The following LINGO2 variants were observed in gnomAD, a reference collection of about 807,000 sequenced individuals.
LINGO2 encodes leucine-rich repeat and immunoglobulin-like domain-containing nogo receptor-interacting protein 2.
A neutral mutation model predicts 30.6 loss-of-function variants in LINGO2; 14 were observed. That is an observed-to-expected ratio of 0.46 (90% CI 0.30 to 0.72). The LOEUF (loss-of-function observed/expected upper bound fraction) is 0.72. LINGO2 is among the 30% of genes least tolerant of loss of function. LINGO2 has a pLI of 0.07. For missense variants in LINGO2, 729 were observed against 751.7 expected (o/e 0.97, Z 0.35); for synonymous variants, 317 against 288.5 (o/e 1.10, Z -1.00).
At chr9:28,014,115 T>C (rs1288850217) in intron 4 of LINGO2, among the ~76,000 whole-genome samples, 6 of 152,118 alleles carry the variant, frequency 3.9e-5, no homozygotes, top group Non-Finnish European at 8.8e-5. Flanking sequence ...CACTCAGAAA[T>C]TATGGCAAGT....
intron 2 of LINGO2, among the ~76,000 whole-genome samples, chr9:28,468,538 A>G (rs1189877106): frequency 2.0e-5 from 3 of 152,212 alleles, no homozygotes; most frequent in Non-Finnish European, 4.4e-5. Context: ...CTAAGGCCCC[A>G]AGAAGAAGCT....
At chr9:28,227,921 T>C (rs1821226665) in intron 4 of LINGO2, among the ~76,000 whole-genome samples, 1 of 152,106 alleles carries the variant, frequency 6.6e-6, no homozygotes, top group African/African-American at 2.4e-5. Flanking sequence ...CACAACACTT[T>C]GATGAATAAT....
chr9:29,071,012 T>C, the LINGO2 span, among the ~76,000 whole-genome samples: 1 of 150,744 alleles, frequency 6.6e-6, no homozygotes, highest in African/African-American at 2.4e-5. Context: ...CATTAGAAAG[T>C]AAACTATTAG....
the LINGO2 span, among the ~76,000 whole-genome samples, chr9:28,877,541 T>A: frequency 6.6e-6 from 1 of 152,010 alleles, no homozygotes; most frequent in African/African-American, 2.4e-5. Flanking sequence ...TTCTCAGGTT[T>A]GTCAAAGATC....
chr9:28,590,061 T>C (rs1824794383), intron 1 of LINGO2, among the ~76,000 whole-genome samples: 1 of 152,086 alleles, frequency 6.6e-6, no homozygotes, highest in African/African-American at 2.4e-5. Context: ...GGGAAAGGAA[T>C]CCCTATTTAA....
At chr9:28,284,060 T>A (rs928822132) in intron 4 of LINGO2, among the ~76,000 whole-genome samples, 5 of 152,150 alleles carry the variant, frequency 3.3e-5, no homozygotes, top group Non-Finnish European at 7.4e-5. Flanking sequence ...CGTTAGCCTC[T>A]GGCATGACTC....
the LINGO2 span, among the ~76,000 whole-genome samples, chr9:28,784,681 C>T: frequency 3.3e-5 from 5 of 152,180 alleles, no homozygotes; most frequent in South Asian, 6.2e-4. Context: ...AGGTCGGGCG[C>T]GGTGGCTCAC....
chr9:28,716,634 T>G, the LINGO2 span, among the ~76,000 whole-genome samples: 1 of 152,120 alleles, frequency 6.6e-6, no homozygotes, highest in Non-Finnish European at 1.5e-5. Flanking sequence ...TTCTGTTCTT[T>G]GAGGCCAGAA....
the LINGO2 span, among the ~76,000 whole-genome samples, chr9:29,137,153 G>A: frequency 6.6e-6 from 1 of 152,086 alleles, no homozygotes; most frequent in African/African-American, 2.4e-5. Context: ...TTCACTTGAT[G>A]TTTTCAGAAG....
At chr9:28,811,580 C>T in the LINGO2 span, among the ~76,000 whole-genome samples, 3 of 152,214 alleles carry the variant, frequency 2.0e-5, no homozygotes, top group South Asian at 6.2e-4. Context: ...CACTCACTTC[C>T]TTTTAGCAAT....
chr9:28,224,332 G>A (rs770808943), intron 4 of LINGO2, among the ~76,000 whole-genome samples: 10 of 152,242 alleles, frequency 6.6e-5, no homozygotes, highest in South Asian at 6.2e-4. Flanking sequence ...CCAAAGTGCC[G>A]GGATTACAGG....
chr9:28,930,233 C>T, the LINGO2 span, among the ~76,000 whole-genome samples: 1 of 152,190 alleles, frequency 6.6e-6, no homozygotes, highest in Non-Finnish European at 1.5e-5. This position sits in a 1 kb window ranked among gnomAD's most constrained non-coding sequence, Gnocchi z 4.2. Flanking sequence ...GCCTGCCACA[C>T]TCTTTCTTAT....
chr9:28,699,895 C>T, the LINGO2 span, among the ~76,000 whole-genome samples: 131 of 152,016 alleles, frequency 8.6e-4, 1 homozygote, highest in Non-Finnish European at 1.3e-3. Flanking sequence ...TGAACTCAGA[C>T]GGGTTATCTG....
At chr9:28,704,879 C>T in the LINGO2 span, among the ~76,000 whole-genome samples, 1 of 151,890 alleles carries the variant, frequency 6.6e-6, no homozygotes, top group African/African-American at 2.4e-5. Flanking sequence ...TCTAATAATT[C>T]CAAATTCGTG....
At chr9:28,002,826 G>C (rs1197919) in intron 5 of LINGO2, among the ~76,000 whole-genome samples, 81,516 of 151,846 alleles carry the variant, frequency 0.54, 22,251 homozygotes, top group East Asian at 0.84. Context: ...GGTTTCCTTC[G>C]AAACACCATA....
chr9:27,957,855 T>C (rs1201583629), intron 5 of LINGO2, among the ~76,000 whole-genome samples: 1 of 152,200 alleles, frequency 6.6e-6, no homozygotes, highest in Non-Finnish European at 1.5e-5. Flanking sequence ...TACGAGCTTC[T>C]TATCTTTAGG....
intron 3 of LINGO2, among the ~76,000 whole-genome samples, chr9:28,311,579 G>A (rs928185387): frequency 3.9e-5 from 6 of 152,096 alleles, no homozygotes; most frequent in Non-Finnish European, 7.4e-5. Flanking sequence ...AGAATTCAGC[G>A]ATATTTCTCC....
At chr9:29,070,020 C>T in the LINGO2 span, among the ~76,000 whole-genome samples, 2 of 151,948 alleles carry the variant, frequency 1.3e-5, no homozygotes, top group Admixed American at 1.3e-4. Flanking sequence ...CAATGAATTG[C>T]ACTCATTGAT....
the LINGO2 span, among the ~76,000 whole-genome samples, chr9:29,087,535 G>C: frequency 1.3e-5 from 2 of 152,126 alleles, no homozygotes; most frequent in African/African-American, 4.8e-5. Flanking sequence ...TGGCTTTACT[G>C]GATTCTAAAG....
Sources: gnomAD v4.1 joint callset for allele counts (sites outside exome capture counted in the v4.1 genomes callset) on GRCh38, gnomAD v4.1.1 for gene constraint, Gnocchi (gnomAD v3.1) non-coding constraint, MANE v1.5 for transcripts, NCBI Gene and HGNC (gene_info 2026-07-23, HGNC 2026-07-21) for gene names.